NSMCE3: variants seen among roughly 807,000 people sequenced by gnomAD.
NSMCE3 encodes the protein non-structural maintenance of chromosomes element 3 homolog.
For missense variants in NSMCE3, 452 were observed against 399.5 expected (o/e 1.13, Z -1.12); for synonymous variants, 214 against 172.2 (o/e 1.24, Z -1.90).
Position 29,268,755 on chromosome 15 carries a change from A to T in NSMCE3, c.*36T>A. On this transcript the variant is annotated 3_prime_UTR_variant, in exon 1 of 1. Coordinates refer to ENST00000332303, the MANE Select transcript of NSMCE3 (RefSeq NM_138704.4). ...CCTCTAAACTGTGCCTTTGGGTCTC[A>T]GACCCTTGTCCCGGGGGTCCCTCTG... 6 of 1,562,806 alleles carry T rather than the reference A, an allele frequency of 3.8e-6. No individual in the cohort carries two copies. Among genetic ancestry groups the T allele is most frequent in the Non-Finnish European group, 4.3e-6 (5 of 1,156,320 alleles).
chr15:29,269,253 A>G lies in NSMCE3; in HGVS notation c.453T>C (p.Thr151=). Residue 151 remains threonine (T), a synonymous_variant, in exon 1 of 1, where the codon ACT becomes ACC. Transcript: ENST00000332303. ...KLVELEPKSN[T]YILINTLEPV... is the part of the protein sequence containing the mutation. Reference sequence around the variant, plus strand: ...GCTCCAGGGTGTTGATGAGGATGTAAGTGTTGCTCTTGGGTTCAAGTTCCA... The same window carrying G: ...GCTCCAGGGTGTTGATGAGGATGTAGGTGTTGCTCTTGGGTTCAAGTTCCA... 1 of 1,614,056 alleles carries G rather than the reference A, an allele frequency of 6.2e-7. No individual in the cohort carries two copies. Among genetic ancestry groups the G allele is most frequent in the African/African-American group, 1.3e-5 (1 of 75,016 alleles).
chr15:29,267,317 T>C lies in NSMCE3; in HGVS notation c.*1474A>G, dbSNP rs1333768301. The C allele has an allele frequency of 2.0e-5, 3 of 152,252 alleles. No homozygotes were observed. The highest frequency in any genetic ancestry group is 2.9e-5 in the Non-Finnish European group (2 of 68,044). The allele number at this position is 152,252 out of a possible 1,614,324, so 9.4% of individuals were successfully genotyped here. A position where few individuals can be genotyped will look rare whatever the true frequency, so the allele number is the denominator to read the frequency against. On this transcript the variant is annotated 3_prime_UTR_variant, in exon 1 of 1. Transcript: ENST00000332303. ...TATTTGCCCACTGAATAAAACGTGT[T>C]GAATCTCTGCATTAAAAACAGCATC...
chr15:29,269,299 T>C lies in NSMCE3; in HGVS notation c.407A>G (p.Tyr136Cys), dbSNP rs2043553516. ...LFKRAAERLQ[Y>C]VFGYKLVELE... ...TTCCACCAGCTTATACCCGAAGACG[T>C]ACTGGAGGCGCTCGGCGGCCCGTTT... The change falls in exon 1 of 1, where the codon TAC becomes TGC. Residue 136 changes from tyrosine to cysteine, a missense_variant. Physicochemically the swap from Tyr to Cys is radical, Grantham distance 194. Coordinates refer to ENST00000332303, the MANE Select transcript of NSMCE3 (RefSeq NM_138704.4). 1 of 1,614,204 alleles carries C rather than the reference T, an allele frequency of 6.2e-7. No individual in the cohort carries two copies. The highest frequency in any genetic ancestry group is 8.5e-7 in the Non-Finnish European group (1 of 1,180,026).
rs140700162 is a variant in NSMCE3, at chr15:29,265,336, A to G, written c.*3455T>C. On this transcript the variant is annotated 3_prime_UTR_variant, in exon 1 of 1. Transcript: ENST00000332303. ...TTAAGAATTGAAAAAGAAGACAGGC[A>G]TATGATGCTAAAGAATTATAGGCTG... 1 of 152,254 alleles carries G rather than the reference A, an allele frequency of 6.6e-6. No individual in the cohort carries two copies. Among genetic ancestry groups the G allele is most frequent in the Non-Finnish European group, 1.5e-5 (1 of 68,052 alleles). The allele number at this position is 152,254 out of a possible 1,614,324, so 9.4% of individuals were successfully genotyped here. A position where few individuals can be genotyped will look rare whatever the true frequency, so the allele number is the denominator to read the frequency against.
Position 29,267,673 on chromosome 15 carries a change from T to C in NSMCE3, c.*1118A>G, listed in dbSNP as rs2043510245. 1 of 152,190 alleles carries C rather than the reference T, an allele frequency of 6.6e-6. No homozygotes were observed. The highest frequency in any genetic ancestry group is 1.5e-5 in the Non-Finnish European group (1 of 68,022). The allele number at this position is 152,190 out of a possible 1,614,324, so 9.4% of individuals were successfully genotyped here. A position where few individuals can be genotyped will look rare whatever the true frequency, so the allele number is the denominator to read the frequency against. ...ACAATAGAGTGAGACTAGAGGACTA[T>C]CTTTTGAACCAGGAATTGCTCTCCT... On this transcript the variant is annotated 3_prime_UTR_variant, in exon 1 of 1. Coordinates refer to ENST00000332303, the MANE Select transcript of NSMCE3 (RefSeq NM_138704.4).
At position 29,268,800 on chromosome 15, in the gene NSMCE3, T is replaced by C. The variant is rs994568010; in HGVS notation, c.906A>G (p.Pro302=). 6.2e-7 allele frequency: 1 copy of C among 1,605,746 alleles called. No homozygotes were observed. The highest frequency in any genetic ancestry group is 8.5e-7 in the Non-Finnish European group (1 of 1,174,588). ...RARPQPSGPA[P]SS Reference sequence around the variant, plus strand: ...CCTCTGAATCCACCTTTCAAGAGGATGGAGCTGGGCCACTAGGCTGAGGTC... The same window carrying C: ...CCTCTGAATCCACCTTTCAAGAGGACGGAGCTGGGCCACTAGGCTGAGGTC... The change falls in exon 1 of 1, where the codon CCA becomes CCG. Residue 302 remains proline, a synonymous_variant. Coordinates refer to ENST00000332303, the MANE Select transcript of NSMCE3 (RefSeq NM_138704.4).
Position 29,265,907 on chromosome 15 carries a change from A to G in NSMCE3, c.*2884T>C, listed in dbSNP as rs58214486. ...ATCAAAACTTTGAACACTTAGGGAA[A>G]AAAGGCAGAAAACATATTTACAATT... On this transcript the variant is annotated 3_prime_UTR_variant, in exon 1 of 1. Coordinates refer to ENST00000332303, the MANE Select transcript of NSMCE3 (RefSeq NM_138704.4). 78 of 152,370 alleles carry G rather than the reference A, an allele frequency of 5.1e-4. No homozygotes were observed. Among genetic ancestry groups the G allele is most frequent in the African/African-American group, 1.8e-3 (76 of 41,584 alleles). The allele number at this position is 152,370 out of a possible 1,614,324, so 9.4% of individuals were successfully genotyped here.
Position 29,267,332 on chromosome 15 carries a change from A to C in NSMCE3, c.*1459T>G, listed in dbSNP as rs1457215026. ...TAAAACGTGTTGAATCTCTGCATTA[A>C]AAACAGCATCTGCTACACGTAATGG... On this transcript the variant is annotated 3_prime_UTR_variant, in exon 1 of 1. Coordinates refer to ENST00000332303, the MANE Select transcript of NSMCE3 (RefSeq NM_138704.4). 6.6e-6 allele frequency: 1 copy of C among 152,262 alleles called. No individual in the cohort carries two copies. The highest frequency in any genetic ancestry group is 1.5e-5 in the Non-Finnish European group (1 of 68,044). 9.4% of individuals were successfully genotyped at this position (152,262 alleles called of 1,614,324 possible).
chr15:29,266,492 G>C lies in NSMCE3; in HGVS notation c.*2299C>G, dbSNP rs2043482107. 1 of 152,110 alleles carries C rather than the reference G, an allele frequency of 6.6e-6. No individual in the cohort carries two copies. The highest frequency in any genetic ancestry group is 1.5e-5 in the Non-Finnish European group (1 of 68,026). 9.4% of individuals were successfully genotyped at this position (152,110 alleles called of 1,614,324 possible). The stretch of plus-strand genomic sequence containing the variant: ...CAATGCCTGCAAATCTCAAAGAACT[G>C]GAAAGACCTTAAATGTCCAGACATT... On this transcript the variant is annotated 3_prime_UTR_variant, in exon 1 of 1. Transcript: ENST00000332303.
rs1024551404 is a variant in NSMCE3, at chr15:29,268,674, C to A, written c.*117G>T. Reference sequence around the variant, plus strand: ...TTTGCAAACACATCCTAAAGCTACACACATTGAAGCGTTTACAGCAATATG... The same window carrying A: ...TTTGCAAACACATCCTAAAGCTACAAACATTGAAGCGTTTACAGCAATATG... On this transcript the variant is annotated 3_prime_UTR_variant, in exon 1 of 1. Coordinates refer to ENST00000332303, the MANE Select transcript of NSMCE3 (RefSeq NM_138704.4). The A allele has an allele frequency of 2.0e-6, 2 of 981,426 alleles. No individual in the cohort carries two copies. The highest frequency in any genetic ancestry group is 2.9e-5 in the Admixed American group (1 of 34,578). 60.8% of individuals were successfully genotyped at this position (981,426 alleles called of 1,614,324 possible).
At position 29,269,481 on chromosome 15, in the gene NSMCE3, G is replaced by C. The variant is rs1172499313; in HGVS notation, c.225C>G (p.Pro75=). ...GCTTCTGGCTCCTGGGCCCCACGGC[G>C]GGGGCGGCCTGGGCCCGGCGGGCGC... ...PQGARRAQAA[P]AVGPRSQKQL... The change falls in exon 1 of 1, where the codon CCC becomes CCG. Residue 75 remains proline (P), a synonymous_variant. Coordinates refer to ENST00000332303, the MANE Select transcript of NSMCE3 (RefSeq NM_138704.4). 6.2e-7 allele frequency: 1 copy of C among 1,611,148 alleles called. No individual in the cohort carries two copies. The highest frequency in any genetic ancestry group is 1.1e-5 in the South Asian group (1 of 90,920).
rs2153041798 is a variant in NSMCE3 at position 29,267,679 on chromosome 15, G to A, written c.*1112C>T. On this transcript the variant is annotated 3_prime_UTR_variant, in exon 1 of 1. Coordinates refer to ENST00000332303, the MANE Select transcript of NSMCE3 (RefSeq NM_138704.4). Reference sequence around the variant, plus strand: ...GAGTGAGACTAGAGGACTATCTTTTGAACCAGGAATTGCTCTCCTAGGAAT... The same window carrying A: ...GAGTGAGACTAGAGGACTATCTTTTAAACCAGGAATTGCTCTCCTAGGAAT... 1.3e-5 allele frequency: 2 copies of A among 152,124 alleles called. No homozygotes were observed. The highest frequency in any genetic ancestry group is 6.8e-3 in the Middle Eastern group (2 of 294). The allele number at this position is 152,124 out of a possible 1,614,324, so 9.4% of individuals were successfully genotyped here.
At position 29,269,495 on chromosome 15, in the gene NSMCE3, C is replaced by A. The variant is rs1220127008; in HGVS notation, c.211G>T (p.Ala71Ser). The A allele has an allele frequency of 6.2e-7, 1 of 1,608,056 alleles. No individual in the cohort carries two copies. Among genetic ancestry groups the A allele is most frequent in the Admixed American group, 1.7e-5 (1 of 59,692 alleles). Residue 71 changes from alanine (A) to serine (S), a missense_variant, in exon 1 of 1, where the codon GCC becomes TCC. Physicochemically the swap from Ala to Ser is moderately conservative, Grantham distance 99. Coordinates refer to ENST00000332303, the MANE Select transcript of NSMCE3 (RefSeq NM_138704.4). Reference protein sequence around the residue: ...QGPSPQGARRAQAAPAVGPRS... With the variant: ...QGPSPQGARRSQAAPAVGPRS... The stretch of plus-strand genomic sequence containing the variant: ...GGCCCCACGGCGGGGGCGGCCTGGG[C>A]CCGGCGGGCGCCCTGAGGCGAGGGG...
At position 29,269,520 on chromosome 15, in the gene NSMCE3, G is replaced by GCCCTGCGAC. The variant is rs780262072; in HGVS notation, c.177_185dup (p.Ser60_Gly62dup). 43 of 1,574,492 alleles carry GCCCTGCGAC rather than the reference G, an allele frequency of 2.7e-5. No individual in the cohort carries two copies. Among genetic ancestry groups the GCCCTGCGAC allele is most frequent in the South Asian group, 2.6e-4 (23 of 87,620 alleles). The stretch of plus-strand genomic sequence containing the variant: ...CCCGGCGGGCGCCCTGAGGCGAGGG[G>GCCCTGCGAC]CCCTGCGACCCCTGCGAGCCGCCCG... On this transcript the variant is annotated inframe_insertion, in exon 1 of 1. Coordinates refer to ENST00000332303, the MANE Select transcript of NSMCE3 (RefSeq NM_138704.4).
chr15:29,268,192 A>G lies in NSMCE3; in HGVS notation c.*599T>C, dbSNP rs1205347426. 2 of 152,280 alleles carry G rather than the reference A, an allele frequency of 1.3e-5. No homozygotes were observed. The highest frequency in any genetic ancestry group is 2.4e-5 in the African/African-American group (1 of 41,472). The allele number at this position is 152,280 out of a possible 1,614,324, so 9.4% of individuals were successfully genotyped here. A position where few individuals can be genotyped will look rare whatever the true frequency, so the allele number is the denominator to read the frequency against. On this transcript the variant is annotated 3_prime_UTR_variant, in exon 1 of 1. Transcript: ENST00000332303. Reference sequence around the variant, plus strand: ...CAGTATTTATTGTAATAACTACAGTAGCAAGAAGAAAAAAACGAAGTGGAA... The same window carrying G: ...CAGTATTTATTGTAATAACTACAGTGGCAAGAAGAAAAAAACGAAGTGGAA...
In NSMCE3 at chr15:29,269,723, C is replaced by G. The variant is rs891161203; in HGVS notation, c.-18G>C. 3.3e-6 allele frequency: 5 copies of G among 1,500,362 alleles called. No homozygotes were observed. Among genetic ancestry groups the G allele is most frequent in the Non-Finnish European group, 4.4e-6 (5 of 1,133,702 alleles). The allele number at this position is 1,500,362 out of a possible 1,614,324, so 92.9% of individuals were successfully genotyped here. ...TGCAACATGTCTCCGGCGGCAGGTGCCGGCGCACACTCCGGTAGGCAAGCA... is the reference window on the plus strand; with the variant it reads ...TGCAACATGTCTCCGGCGGCAGGTGGCGGCGCACACTCCGGTAGGCAAGCA... On this transcript the variant is annotated 5_prime_UTR_variant, in exon 1 of 1. Transcript: ENST00000332303.
Position 29,268,770 on chromosome 15 carries a change from G to A in NSMCE3, c.*21C>T, listed in dbSNP as rs1463909701. On this transcript the variant is annotated 3_prime_UTR_variant, in exon 1 of 1. Transcript: ENST00000332303. Reference sequence around the variant, plus strand: ...TTTGGGTCTCAGACCCTTGTCCCGGGGGTCCCTCTGAATCCACCTTTCAAG... The same window carrying A: ...TTTGGGTCTCAGACCCTTGTCCCGGAGGTCCCTCTGAATCCACCTTTCAAG... 3.8e-6 allele frequency: 6 copies of A among 1,577,742 alleles called. No homozygotes were observed. Among genetic ancestry groups the A allele is most frequent in the South Asian group, 3.5e-5 (3 of 85,508 alleles).
rs1209406595 is a variant in NSMCE3 at position 29,266,908 on chromosome 15, G to A, written c.*1883C>T. 6.6e-6 allele frequency: 1 copy of A among 152,162 alleles called. No homozygotes were observed. The highest frequency in any genetic ancestry group is 1.5e-5 in the Non-Finnish European group (1 of 68,040). The allele number at this position is 152,162 out of a possible 1,614,324, so 9.4% of individuals were successfully genotyped here. A position where few individuals can be genotyped will look rare whatever the true frequency, so the allele number is the denominator to read the frequency against. On this transcript the variant is annotated 3_prime_UTR_variant, in exon 1 of 1. Coordinates refer to ENST00000332303, the MANE Select transcript of NSMCE3 (RefSeq NM_138704.4). ...GAAAAGCGGGGGGAATTTTGCCTCA[G>A]ATATAACTGGTGGTGACTGCTGGGT...
rs929883423 is a variant in NSMCE3, at chr15:29,269,772, G to A, written c.-67C>T. ...CAGCCGCGGCGGGGATTGCGGGTCG[G>A]CGACCCGCTAACGCCGGTGCCTGGA... On this transcript the variant is annotated 5_prime_UTR_variant, in exon 1 of 1. Transcript: ENST00000332303. 2.2e-6 allele frequency: 3 copies of A among 1,374,984 alleles called. No homozygotes were observed. Among genetic ancestry groups the A allele is most frequent in the African/African-American group, 1.5e-5 (1 of 65,088 alleles). 85.2% of individuals were successfully genotyped at this position (1,374,984 alleles called of 1,614,324 possible). A position where few individuals can be genotyped will look rare whatever the true frequency, so the allele number is the denominator to read the frequency against.
Sources: allele counts gnomAD v4.1 joint callset, GRCh38; gene constraint gnomAD v4.1.1; transcripts MANE v1.5; gene names NCBI Gene and HGNC (gene_info 2026-07-23, HGNC 2026-07-21).